The following OCA2 variants were observed in gnomAD, a reference collection of about 807,000 sequenced individuals.
The protein encoded by OCA2 is OCA2 melanosomal transmembrane protein, also known as P protein.
OCA2 carries 77 observed loss-of-function variants against 100.2 expected under a neutral mutation model. The observed-to-expected ratio is 0.77, with a 90% CI of 0.64 to 0.93. The LOEUF (loss-of-function observed/expected upper bound fraction) is 0.93, where lower values mean the gene tolerates loss of function less well. Among genes scored for constraint, OCA2 ranks in the 40% least tolerant of loss-of-function variants. OCA2 has a pLI of 0.00. For missense variants in OCA2, 1,062 were observed against 1,089.1 expected (o/e 0.98, Z 0.35); for synonymous variants, 432 against 439.2 (o/e 0.98, Z 0.21).
At chr15:27,748,007 A>G in the OCA2 span, among the ~76,000 whole-genome samples, 2 of 152,156 alleles carry the variant, frequency 1.3e-5, no homozygotes, top group African/African-American at 2.4e-5. Flanking sequence ...ACTCAACAGA[A>G]GAAGGTAACC....
At chr15:27,761,893 C>T (rs2030873339) in intron 23 of OCA2, among the ~76,000 whole-genome samples, 2 of 152,174 alleles carry the variant, frequency 1.3e-5, no homozygotes, top group Admixed American at 1.3e-4. Context: ...GGCGTCATCA[C>T]AGCTCCCTAC....
At chr15:28,027,226 C>G (rs2042778843) in intron 4 of OCA2, among the ~76,000 whole-genome samples, 1 of 152,174 alleles carries the variant, frequency 6.6e-6, no homozygotes. Context: ...CCTACACACG[C>G]ATGCGTACTC....
At position 27,990,753 on chromosome 15, in the gene OCA2, C is replaced by G. The variant is rs778267876; in HGVS notation, c.1045-106G>C. 1.4e-5 allele frequency: 13 copies of G among 936,872 alleles called. No homozygotes were observed. The East Asian group carries it at 3.1e-4, about 22-fold the overall frequency. The allele number at this position is 936,872 out of a possible 1,614,324, so 58.0% of individuals were successfully genotyped here. ...GGTCTATATCTGCCACTGTGTACCA[C>G]ATCTATTCAAATGATAAGTCATGGG... On this transcript the variant is annotated intron_variant, in intron 9 of 23. Transcript: ENST00000354638.
At chr15:28,055,023 C>T (rs564161392) in intron 2 of OCA2, among the ~76,000 whole-genome samples, 1 of 152,320 alleles carries the variant, frequency 6.6e-6, no homozygotes, top group Non-Finnish European at 1.5e-5. Context: ...TCCACCTGTT[C>T]CCACCCTTGA....
intron 1 of OCA2, among the ~76,000 whole-genome samples, chr15:28,083,292 G>A (rs2044710417): frequency 6.6e-6 from 1 of 152,198 alleles, no homozygotes; most frequent in Non-Finnish European, 1.5e-5. Flanking sequence ...GGTGGAGCCA[G>A]AACTTACTTC....
At chr15:28,084,353 G>A (rs1484056355) in intron 1 of OCA2, among the ~76,000 whole-genome samples, 1 of 152,140 alleles carries the variant, frequency 6.6e-6, no homozygotes, top group Non-Finnish European at 1.5e-5. Context: ...TGCAACAAAT[G>A]TCCATTCTCT....
rs554977696 is a variant in OCA2 at position 27,755,325 on chromosome 15, T to A, written c.*63A>T. ...TCAAACAGTGGGGTCAGGGTAGTTTTATGACTAATGGGTTGTGATGGATGA... is the reference window on the plus strand; with the variant it reads ...TCAAACAGTGGGGTCAGGGTAGTTTAATGACTAATGGGTTGTGATGGATGA... On this transcript the variant is annotated 3_prime_UTR_variant, in exon 24 of 24. Coordinates refer to ENST00000354638, the MANE Select transcript of OCA2 (RefSeq NM_000275.3). The A allele has an allele frequency of 1.6e-6, 2 of 1,280,450 alleles. No homozygotes were observed. Among genetic ancestry groups the A allele is most frequent in the African/African-American group, 1.5e-5 (1 of 68,436 alleles). 79.3% of individuals were successfully genotyped at this position (1,280,450 alleles called of 1,614,324 possible). A position where few individuals can be genotyped will look rare whatever the true frequency, so the allele number is the denominator to read the frequency against.
chr15:27,787,775 A>G lies in OCA2; in HGVS notation c.2433-32303T>C, dbSNP rs571866352. ...ATTTTCTTCCTTCCAATTGACTTTA[A>G]TTTAGTTTGCTCTTCTTTTTGTACT... is the stretch of plus-strand genomic sequence containing the variant. On this transcript the variant is annotated intron_variant, in intron 23 of 23. Coordinates refer to ENST00000354638, the MANE Select transcript of OCA2 (RefSeq NM_000275.3). Among the ~76,000 whole-genome samples, 10 of 151,670 alleles carry G rather than the reference A, an allele frequency of 6.6e-5. No homozygotes were observed. The South Asian group carries it at 2.1e-3, about 32-fold the overall frequency.
In OCA2 at chr15:27,870,386, C is replaced by T. The variant is rs769595637; in HGVS notation, c.2244+768G>A. ...GACCCCAGAGACTTGTGTGCAAGCC[C>T]CTGGGCCTATCTTTACTTTGCCACA... On this transcript the variant is annotated intron_variant, in intron 21 of 23. Coordinates refer to ENST00000354638, the MANE Select transcript of OCA2 (RefSeq NM_000275.3). 1.6e-4 allele frequency among the ~76,000 whole-genome samples: 24 copies of T among 152,142 alleles called. 1 individual carries two copies. The highest frequency in any genetic ancestry group is 3.1e-4 in the Non-Finnish European group (21 of 68,026).
the OCA2 span, among the ~76,000 whole-genome samples, chr15:27,730,510 T>G: frequency 6.6e-6 from 1 of 151,974 alleles, no homozygotes; most frequent in Non-Finnish European, 1.5e-5. Context: ...CATTGGTAAT[T>G]GGCTCAATCT....
intron 2 of OCA2, among the ~76,000 whole-genome samples, chr15:28,067,331 C>A (rs1433182550): frequency 6.6e-6 from 1 of 152,014 alleles, no homozygotes; most frequent in East Asian, 1.9e-4. Context: ...TTTCATTGAT[C>A]TTTCGTATGG....
intron 21 of OCA2, among the ~76,000 whole-genome samples, chr15:27,869,484 G>A (rs78044165): frequency 0.016 from 2,409 of 152,356 alleles, 57 homozygotes; most frequent in African/African-American, 0.051. Flanking sequence ...TATTGTCTCT[G>A]ATTCCATTTT....
At chr15:27,730,762 T>C in the OCA2 span, among the ~76,000 whole-genome samples, 1 of 135,160 alleles carries the variant, frequency 7.4e-6, no homozygotes, top group African/African-American at 2.9e-5. Flanking sequence ...TATATATATA[T>C]ATATATATAT....
Position 28,047,633 on chromosome 15 carries a change from T to C in OCA2, c.228-15470A>G, listed in dbSNP as rs1252921893. On this transcript the variant is annotated intron_variant, in intron 2 of 23. Coordinates refer to ENST00000354638, the MANE Select transcript of OCA2 (RefSeq NM_000275.3). ...GCCTCAACGTGATAAAGGATATATA[T>C]GAAAAACCCACAGCCAGCTAACATC... Among the ~76,000 whole-genome samples, 3 of 152,212 alleles carry C rather than the reference T, an allele frequency of 2.0e-5. No homozygotes were observed. In the South Asian group the frequency reaches 6.2e-4, roughly 32 times the overall value.
At chr15:28,083,893 C>T (rs186959011) in intron 1 of OCA2, among the ~76,000 whole-genome samples, 16 of 152,260 alleles carry the variant, frequency 1.1e-4, no homozygotes, top group Admixed American at 7.2e-4. Context: ...AATTCCAGGG[C>T]GCCATTGCCC....
chr15:27,719,227 G>A, the OCA2 span, among the ~76,000 whole-genome samples: 1 of 152,148 alleles, frequency 6.6e-6, no homozygotes, highest in Non-Finnish European at 1.5e-5. Context: ...TTCAGGGTTG[G>A]TTTCTCCTAG....
the OCA2 span, among the ~76,000 whole-genome samples, chr15:27,736,862 G>C: frequency 7.9e-5 from 12 of 152,200 alleles, no homozygotes; most frequent in Non-Finnish European, 1.5e-4. Context: ...AATAATTTGA[G>C]AAATGGGATA....
intron 23 of OCA2, among the ~76,000 whole-genome samples, chr15:27,795,931 C>T (rs1265541219): frequency 6.6e-6 from 1 of 152,218 alleles, no homozygotes; most frequent in Non-Finnish European, 1.5e-5. Context: ...GCAGAATGTA[C>T]TTAAGTCACT....
the OCA2 span, among the ~76,000 whole-genome samples, chr15:27,725,708 C>T: frequency 6.6e-6 from 1 of 152,214 alleles, no homozygotes; most frequent in Non-Finnish European, 1.5e-5. Context: ...CAATGGAGCT[C>T]TCCCTCCAGG....
Sources: gnomAD v4.1 joint callset for allele counts (sites outside exome capture counted in the v4.1 genomes callset) on GRCh38, gnomAD v4.1.1 for gene constraint, MANE v1.5 for transcripts, NCBI Gene and HGNC (gene_info 2026-07-23, HGNC 2026-07-21) for gene names.